Variants in SNX18 observed in about 807,000 individuals in gnomAD.
SNX18 encodes sorting nexin 18, also known as sorting nexin-18.
In SNX18, 35 loss-of-function variants were observed where a neutral mutation model predicts 48.7. That is an observed-to-expected ratio of 0.72 (90% confidence interval 0.55 to 0.95). The LOEUF (loss-of-function observed/expected upper bound fraction) is 0.95. SNX18 is among the 40% of genes least tolerant of loss of function. The probability of loss-of-function intolerance (pLI) is 0.00; values close to 1 mark genes in which losing one functional copy is unlikely to be tolerated. For missense variants in SNX18, 824 were observed against 871.0 expected, an observed-to-expected ratio of 0.95 and a Z score of 0.68; for synonymous variants, 492 against 384.7, an observed-to-expected ratio of 1.28 and a Z score of -3.26.
the SNX18 span, among the ~76,000 whole-genome samples, chr5:54,647,600 C>G: frequency 6.6e-6 from 1 of 152,054 alleles, no homozygotes; most frequent in African/African-American, 2.4e-5. Flanking sequence ...GAGGCATGAT[C>G]GTAGAGAACC....
At chr5:54,638,397 C>T in the SNX18 span, among the ~76,000 whole-genome samples, 1 of 152,142 alleles carries the variant, frequency 6.6e-6, no homozygotes. Flanking sequence ...ACTTAGAGAA[C>T]CATTCTTGGA....
the SNX18 span, among the ~76,000 whole-genome samples, chr5:54,582,459 A>G: frequency 6.6e-6 from 1 of 152,134 alleles, no homozygotes; most frequent in African/African-American, 2.4e-5. Context: ...TTTCTTTCCT[A>G]AATGTAGAAT....
chr5:54,553,857 C>T, the SNX18 span, among the ~76,000 whole-genome samples: 1 of 152,206 alleles, frequency 6.6e-6, no homozygotes, highest in African/African-American at 2.4e-5. Flanking sequence ...GGTTGAGGCC[C>T]AGTGGTTGCC....
chr5:54,647,491 G>A, the SNX18 span, among the ~76,000 whole-genome samples: 1 of 152,206 alleles, frequency 6.6e-6, no homozygotes, highest in African/African-American at 2.4e-5. Flanking sequence ...GGACTGTGGA[G>A]CAAAGGCAAA....
chr5:54,602,097 A>G, the SNX18 span, among the ~76,000 whole-genome samples: 3 of 152,200 alleles, frequency 2.0e-5, no homozygotes, highest in South Asian at 6.2e-4. Context: ...TCCTCCAAGA[A>G]TATGGCCCTA....
the SNX18 span, among the ~76,000 whole-genome samples, chr5:54,642,487 C>T: frequency 1.2e-4 from 18 of 152,080 alleles, no homozygotes; most frequent in Middle Eastern, 6.8e-3. Context: ...CAGCTGGCTA[C>T]TTCTTGCCAA....
chr5:54,518,237 C>T lies in SNX18; in HGVS notation c.285C>T (p.Ala95=), dbSNP rs1345461103. The change falls in exon 1 of 2, where the codon GCC becomes GCT. Residue 95 remains alanine, a synonymous_variant. Coordinates refer to ENST00000381410, the MANE Select transcript of SNX18 (RefSeq NM_001102575.2). ...GFEPLPVAPP[A]SFKPPPDAFQ... ...AGCCCCTGCCTGTCGCGCCCCCCGC[C>T]TCCTTCAAGCCGCCGCCTGACGCCT... 2 of 1,438,120 alleles carry T rather than the reference C, an allele frequency of 1.4e-6. No individual in the cohort carries two copies. Among genetic ancestry groups the T allele is most frequent in the African/African-American group, 1.5e-5 (1 of 66,710 alleles). The allele number at this position is 1,438,120 out of a possible 1,614,324, so 89.1% of individuals were successfully genotyped here.
the SNX18 span, among the ~76,000 whole-genome samples, chr5:54,622,536 T>C: frequency 2.1e-3 from 313 of 150,932 alleles, 2 homozygotes; most frequent in Non-Finnish European, 3.4e-3. Flanking sequence ...TCATAAATGC[T>C]TTGACCACTG....
intron 1 of SNX18, among the ~76,000 whole-genome samples, chr5:54,534,093 C>T (rs1762303974): frequency 6.6e-6 from 1 of 152,122 alleles, no homozygotes; most frequent in South Asian, 2.1e-4. Context: ...AGCAGCTGTC[C>T]CTGCTGCCCT....
the SNX18 span, among the ~76,000 whole-genome samples, chr5:54,617,237 T>G: frequency 6.6e-6 from 1 of 152,230 alleles, no homozygotes; most frequent in Non-Finnish European, 1.5e-5. Flanking sequence ...GATGAATTCC[T>G]GACCTGAACA....
chr5:54,595,683 A>G, the SNX18 span, among the ~76,000 whole-genome samples: 2 of 152,156 alleles, frequency 1.3e-5, no homozygotes, highest in Non-Finnish European at 2.9e-5. Context: ...AACCATTCCA[A>G]TGGGACACAC....
the SNX18 span, among the ~76,000 whole-genome samples, chr5:54,557,660 G>T: frequency 6.6e-6 from 1 of 152,182 alleles, no homozygotes; most frequent in Non-Finnish European, 1.5e-5. Flanking sequence ...CAGATTTTCA[G>T]AGTTTCAGTT....
At chr5:54,557,880 T>C in the SNX18 span, among the ~76,000 whole-genome samples, 2 of 152,218 alleles carry the variant, frequency 1.3e-5, no homozygotes, top group South Asian at 4.1e-4. Flanking sequence ...ATGTATTGTC[T>C]TTTTTTTAAA....
chr5:54,551,705 T>G, the SNX18 span, among the ~76,000 whole-genome samples: 1 of 152,144 alleles, frequency 6.6e-6, no homozygotes, highest in Non-Finnish European at 1.5e-5. Flanking sequence ...CTTGCGATCT[T>G]AATTCTTTTC....
the SNX18 span, among the ~76,000 whole-genome samples, chr5:54,571,566 G>C: frequency 1.3e-5 from 2 of 151,994 alleles, no homozygotes; most frequent in African/African-American, 4.8e-5. Context: ...GGCTCATTGA[G>C]GACTGACGGA....
At chr5:54,647,009 C>A in the SNX18 span, among the ~76,000 whole-genome samples, 2 of 152,170 alleles carry the variant, frequency 1.3e-5, no homozygotes, top group African/African-American at 2.4e-5. Context: ...GTCTCAAGAG[C>A]AATTCGTCAT....
At chr5:54,519,900 A>G in intron 1 of SNX18, 2 of 1,377,690 alleles carry the variant, frequency 1.5e-6, no homozygotes, top group Non-Finnish European at 2.0e-6. Context: ...GGGTAGAATT[A>G]GAAGGGGACC....
At chr5:54,527,358 C>CGGGG (rs11355195) in intron 1 of SNX18, among the ~76,000 whole-genome samples, 4 of 140,860 alleles carry the variant, frequency 2.8e-5, no homozygotes, top group Admixed American at 7.0e-5. Flanking sequence ...GTCGGGGAGC[C>CGGGG]GGGGGGGGGG....
chr5:54,543,442 G>A lies in SNX18; in HGVS notation c.*10G>A, dbSNP rs766984723. On this transcript the variant is annotated 3_prime_UTR_variant, in exon 2 of 2. Coordinates refer to ENST00000381410, the MANE Select transcript of SNX18 (RefSeq NM_001102575.2). Reference sequence around the variant, plus strand: ...ATATGATAGTGTTTAATGACTGGACGTTGGATTATGGACTTTTTCAGTTCA... The same window carrying A: ...ATATGATAGTGTTTAATGACTGGACATTGGATTATGGACTTTTTCAGTTCA... The A allele has an allele frequency of 3.5e-5, 57 of 1,610,428 alleles. No homozygotes were observed. The highest frequency in any genetic ancestry group is 5.4e-5 in the African/African-American group (4 of 74,724).
Sources: allele counts gnomAD v4.1 joint callset (sites outside exome capture counted in the v4.1 genomes callset), GRCh38; gene constraint gnomAD v4.1.1; transcripts MANE v1.5; gene names NCBI Gene and HGNC (gene_info 2026-07-23, HGNC 2026-07-21).